The following PMFBP1 variants were observed in gnomAD, a reference collection of about 807,000 sequenced individuals.
The protein encoded by PMFBP1 is polyamine-modulated factor 1-binding protein 1.
Under a neutral mutation model 137.8 loss-of-function variants are expected in PMFBP1, and 131 were observed. The observed-to-expected ratio is 0.95, with a 90% CI of 0.82 to 1.10. The LOEUF is 1.10. Among genes scored for constraint, PMFBP1 ranks in the 50% least tolerant of loss-of-function variants. PMFBP1 has a pLI of 0.00. For synonymous variants in PMFBP1, 490 were observed against 450.4 expected (o/e 1.09, Z -1.11); for missense variants, 1,199 against 1,175.4 (o/e 1.02, Z -0.29).
At chr16:72,212,320 A>G in the PMFBP1 span, among the ~76,000 whole-genome samples, 1 of 152,166 alleles carries the variant, frequency 6.6e-6, no homozygotes, top group Non-Finnish European at 1.5e-5. Context: ...AATTATAGCA[A>G]GATGTAATAG....
chr16:72,249,920 C>CAAAA, the PMFBP1 span, among the ~76,000 whole-genome samples: 994 of 29,154 alleles, frequency 0.034, no homozygotes, highest in Middle Eastern at 0.079. Flanking sequence ...GACTCCATCG[C>CAAAA]AAAAAAAAAA....
the PMFBP1 span, among the ~76,000 whole-genome samples, chr16:72,208,313 C>A: frequency 6.6e-6 from 1 of 152,040 alleles, no homozygotes; most frequent in African/African-American, 2.4e-5. Context: ...CACAGACGAC[C>A]CACTTGAGAA....
intron 5 of PMFBP1, among the ~76,000 whole-genome samples, chr16:72,148,903 G>A (rs1156609680): frequency 6.6e-6 from 1 of 152,144 alleles, no homozygotes; most frequent in East Asian, 1.9e-4. Context: ...TCCCTATGGG[G>A]CCCACATCCC....
At chr16:72,228,501 T>G in the PMFBP1 span, among the ~76,000 whole-genome samples, 1 of 152,172 alleles carries the variant, frequency 6.6e-6, no homozygotes, top group Non-Finnish European at 1.5e-5. Flanking sequence ...TTCTCCCGTT[T>G]CTAGGATACC....
At chr16:72,200,587 A>T in the PMFBP1 span, among the ~76,000 whole-genome samples, 2 of 152,258 alleles carry the variant, frequency 1.3e-5, no homozygotes, top group Non-Finnish European at 2.9e-5. Context: ...AGGAAAAAGC[A>T]GAAGCATTTT....
At chr16:72,151,305 A>C (rs1013209712) in intron 4 of PMFBP1, among the ~76,000 whole-genome samples, 13 of 152,336 alleles carry the variant, frequency 8.5e-5, no homozygotes, top group African/African-American at 2.9e-4. Context: ...TGGGATTTGC[A>C]CAATCCTTGT....
At chr16:72,120,215 G>T in intron 19 of PMFBP1, 126 bp from the exon 20 acceptor site, 2 of 1,466,778 alleles carry the variant, frequency 1.4e-6, no homozygotes, top group Non-Finnish European at 1.9e-6. Flanking sequence ...TTCAGAGCCG[G>T]CCTGTTACAC....
chr16:72,228,427 T>C, the PMFBP1 span, among the ~76,000 whole-genome samples: 4 of 152,188 alleles, frequency 2.6e-5, no homozygotes, highest in Non-Finnish European at 5.9e-5. Flanking sequence ...ACACCTACAA[T>C]GGACTCCATC....
Position 72,153,761 on chromosome 16 carries a change from T to A in PMFBP1, c.414+450A>T, listed in dbSNP as rs746306938. The stretch of plus-strand genomic sequence containing the variant: ...GACTCCCACTCAACATCTGGTTATC[T>A]TATCTAGTGTGCACGTGCCAGGAAT... On this transcript the variant is annotated intron_variant, in intron 4 of 20. Coordinates refer to ENST00000237353, the MANE Select transcript of PMFBP1 (RefSeq NM_031293.3). Among the ~76,000 whole-genome samples the A allele has an allele frequency of 9.5e-5, 14 of 148,022 alleles. 1 individual carries two copies. The highest frequency in any genetic ancestry group is 3.3e-4 in the African/African-American group (13 of 39,852).
At chr16:72,117,335 A>G (rs2042318324), downstream of PMFBP1, among the ~76,000 whole-genome samples, 2 of 152,016 alleles carry the variant, frequency 1.3e-5, no homozygotes, top group South Asian at 4.1e-4. Context: ...CCTGCAACTC[A>G]TTTTTGTGTG....
chr16:72,125,111 G>C (rs545605051), intron 16 of PMFBP1, 127 bp downstream of exon 16: 2 of 1,411,736 alleles, frequency 1.4e-6, no homozygotes, highest in African/African-American at 2.9e-5. Flanking sequence ...GAAGTTCAGG[G>C]AGCCAAGAAA....
At chr16:72,197,554 G>A in the PMFBP1 span, among the ~76,000 whole-genome samples, 15 of 152,154 alleles carry the variant, frequency 9.9e-5, no homozygotes, top group Non-Finnish European at 1.6e-4. Flanking sequence ...CTCTGTCATG[G>A]ACAAGGTTAT....
the PMFBP1 span, among the ~76,000 whole-genome samples, chr16:72,248,680 A>T: frequency 6.6e-6 from 1 of 152,216 alleles, no homozygotes; most frequent in Non-Finnish European, 1.5e-5. Flanking sequence ...AGGTGTGATC[A>T]TTTTAGAGTG....
intron 3 of PMFBP1, among the ~76,000 whole-genome samples, chr16:72,161,615 C>T (rs752434711): frequency 5.9e-5 from 9 of 151,960 alleles, no homozygotes; most frequent in Non-Finnish European, 1.2e-4. Flanking sequence ...GCAAAAGTAG[C>T]CCAGAGAGTT....
the PMFBP1 span, among the ~76,000 whole-genome samples, chr16:72,214,052 A>G: frequency 6.6e-6 from 1 of 152,236 alleles, no homozygotes; most frequent in Non-Finnish European, 1.5e-5. Context: ...TCACAAAAAA[A>G]TTACCAGTAT....
At chr16:72,152,991 C>T (rs767763902) in intron 4 of PMFBP1, among the ~76,000 whole-genome samples, 1 of 152,052 alleles carries the variant, frequency 6.6e-6, no homozygotes, top group Non-Finnish European at 1.5e-5. Context: ...GTTGCCATAA[C>T]AGCAACAGAC....
intron 15 of PMFBP1, 96 bp from the exon 16 acceptor site, chr16:72,125,501 T>C (rs1055654606): frequency 7.3e-7 from 1 of 1,372,410 alleles, no homozygotes; most frequent in African/African-American, 1.5e-5. Flanking sequence ...CTTCCTGTCC[T>C]CTGCCCAGGG....
the PMFBP1 span, among the ~76,000 whole-genome samples, chr16:72,196,817 C>A: frequency 1.3e-5 from 2 of 152,348 alleles, no homozygotes; most frequent in East Asian, 3.9e-4. Context: ...CCAGAAGACT[C>A]CTGGCCCAAT....
At chr16:72,119,740 A>G in intron 20 of PMFBP1, 111 bp downstream of exon 20, 1 of 1,529,966 alleles carries the variant, frequency 6.5e-7, no homozygotes, top group Non-Finnish European at 8.7e-7. Flanking sequence ...AGTCGCTAAG[A>G]AAATGACTTG....
Sources: gnomAD v4.1 joint callset for allele counts (sites outside exome capture counted in the v4.1 genomes callset) on GRCh38, gnomAD v4.1.1 for gene constraint, MANE v1.5 for transcripts, NCBI Gene and HGNC (gene_info 2026-07-23, HGNC 2026-07-21) for gene names.